Variants in RPP30 observed in about 807,000 individuals in gnomAD.
The protein encoded by RPP30 is ribonuclease P protein subunit p30.
Under a neutral mutation model 38.6 loss-of-function variants are expected in RPP30, and 36 were observed. The observed-to-expected ratio is 0.93, with a 90% CI of 0.71 to 1.23. RPP30 has a LOEUF of 1.23. Among genes scored for constraint, RPP30 ranks in the 50% most tolerant of loss-of-function variants. The pLI, the probability that RPP30 is intolerant of heterozygous loss-of-function variation, is 0.00. For synonymous variants in RPP30, 126 were observed against 112.7 expected (o/e 1.12, Z -0.75); for missense variants, 321 against 321.7 (o/e 1.00, Z 0.02).
At chr10:90,882,229 C>T (rs1001886366) in intron 5 of RPP30, among the ~76,000 whole-genome samples, 22 of 152,144 alleles carry the variant, frequency 1.4e-4, no homozygotes, top group African/African-American at 7.2e-5. Flanking sequence ...TGGTCTCTAA[C>T]CTGCTTTGAT....
In RPP30 at chr10:90,879,097, T is replaced by C. The variant is rs1429554236; in HGVS notation, c.305T>C (p.Val102Ala). The C allele has an allele frequency of 2.2e-5, 35 of 1,614,056 alleles. No homozygotes were observed. Among genetic ancestry groups the C allele is most frequent in the East Asian group, 6.7e-5 (3 of 44,858 alleles). The part of the protein sequence containing the change: ...ATSSRARLYD[V>A]VAVFPKTEKL... ...TCTTCAAGGGCCCGGCTCTATGATG[T>C]TGTTGCAGTTTTTCCAAAGACAGAA... Residue 102 changes from valine (V) to alanine (A), a missense_variant, in exon 5 of 11, where the codon GTT becomes GCT. Coordinates refer to ENST00000371703, the MANE Select transcript of RPP30 (RefSeq NM_006413.5).
At chr10:90,894,687 G>GT in intron 6 of RPP30, 88 bp from the exon 7 acceptor site, 2 of 915,732 alleles carry the variant, frequency 2.2e-6, no homozygotes, top group Non-Finnish European at 3.6e-6. Context: ...GTAGTAGGGA[G>GT]TGAGGAGGGA....
At chr10:90,902,318 A>T, downstream of RPP30, 1 of 390,930 alleles carries the variant, frequency 2.6e-6, no homozygotes, top group Non-Finnish European at 5.0e-6. Flanking sequence ...CTTGGGCTCA[A>T]GCCATCCTCC....
At chr10:90,882,890 G>A (rs929426160) in intron 5 of RPP30, among the ~76,000 whole-genome samples, 2 of 152,206 alleles carry the variant, frequency 1.3e-5, no homozygotes, top group African/African-American at 4.8e-5. Flanking sequence ...GACTGTTGTA[G>A]TGTCTTGAGG....
Position 90,879,135 on chromosome 10 carries a change from G to C in RPP30, c.342+1G>C. On this transcript the variant is annotated splice_donor_variant, in intron 5 of 10. Coordinates refer to ENST00000371703, the MANE Select transcript of RPP30 (RefSeq NM_006413.5). LOFTEE classifies it high-confidence loss of function. The stretch of plus-strand genomic sequence containing the variant: ...TCCAAAGACAGAAAAGCTTTTTCAT[G>C]TGAGTAACAGATAAGTAAAAGAAAG... The C allele has an allele frequency of 6.2e-7, 1 of 1,610,790 alleles. No individual in the cohort carries two copies. The highest frequency in any genetic ancestry group is 8.5e-7 in the Non-Finnish European group (1 of 1,177,030).
At chr10:90,872,266 G>C in intron 1 of RPP30, 198 bp downstream of exon 1, 1 of 593,568 alleles carries the variant, frequency 1.7e-6, no homozygotes, top group Non-Finnish European at 3.1e-6. Flanking sequence ...TTGTTATCTG[G>C]TTCAGCTACT....
intron 8 of RPP30, 103 bp from the exon 9 acceptor site, chr10:90,895,776 AT>A (rs1290140745): frequency 3.5e-6 from 3 of 847,272 alleles, no homozygotes; most frequent in African/African-American, 3.6e-5. Context: ...AATTTATGTA[AT>A]TTTTTTATTT....
exon 5 of RPP30, chr10:90,908,334 G>A (rs1847275006): frequency 6.6e-6 from 1 of 152,036 alleles, no homozygotes; most frequent in Admixed American, 6.6e-5. Flanking sequence ...TTAGGACCTG[G>A]CCTAGCACCT....
chr10:90,895,375 G>T, intron 7 of RPP30, 79 bp from the exon 8 acceptor site: 3 of 788,014 alleles, frequency 3.8e-6, no homozygotes, highest in South Asian at 1.8e-5. Context: ...GTTAAAATAT[G>T]ATTACTGGCT....
At chr10:90,881,882 A>G (rs1846932214) in intron 5 of RPP30, among the ~76,000 whole-genome samples, 14 of 152,336 alleles carry the variant, frequency 9.2e-5, no homozygotes, top group African/African-American at 3.4e-4. Context: ...ACACACAGAC[A>G]GACACATGTT....
chr10:90,880,742 A>G (rs1280527545), intron 5 of RPP30, among the ~76,000 whole-genome samples: 1 of 152,160 alleles, frequency 6.6e-6, no homozygotes, highest in East Asian at 1.9e-4. Flanking sequence ...TTTAAATGCA[A>G]TTATAGATAT....
Position 90,875,546 on chromosome 10 carries a change from C to T in RPP30, c.139-12C>T, listed in dbSNP as rs763003880. ...GATACAATCTGCAGTAACTATTTATCGTTTGTTGTAGGAAATTGAAAAACC... is the reference window on the plus strand; with the variant it reads ...GATACAATCTGCAGTAACTATTTATTGTTTGTTGTAGGAAATTGAAAAACC... On this transcript the variant is annotated splice_polypyrimidine_tract_variant and intron_variant, in intron 2 of 10. Coordinates refer to ENST00000371703, the MANE Select transcript of RPP30 (RefSeq NM_006413.5). 23 of 1,609,698 alleles carry T rather than the reference C, an allele frequency of 1.4e-5. No individual in the cohort carries two copies. The highest frequency in any genetic ancestry group is 8.8e-5 in the South Asian group (8 of 90,930).
chr10:90,895,774 T>C, intron 8 of RPP30, 106 bp from the exon 9 acceptor site: 1 of 826,090 alleles, frequency 1.2e-6, no homozygotes, highest in Non-Finnish European at 1.9e-6. Flanking sequence ...TAAATTTATG[T>C]AATTTTTTTA....
At chr10:90,873,063 T>C (rs1424704637) in intron 1 of RPP30, among the ~76,000 whole-genome samples, 1 of 152,184 alleles carries the variant, frequency 6.6e-6, no homozygotes, top group Non-Finnish European at 1.5e-5. Flanking sequence ...TCAATGAGGC[T>C]TTTCCTGACG....
rs1386063756 is a variant in RPP30 at position 90,900,674 on chromosome 10, G to A, written c.802G>A (p.Gly268Ser). 8.1e-6 allele frequency: 13 copies of A among 1,612,830 alleles called. No individual in the cohort carries two copies. Among genetic ancestry groups the A allele is most frequent in the East Asian group, 2.2e-5 (1 of 44,874 alleles). The change falls in exon 11 of 11, where the codon GGC becomes AGC. Residue 268 changes from glycine (G) to serine (S), a missense_variant. Coordinates refer to ENST00000371703, the MANE Select transcript of RPP30 (RefSeq NM_006413.5). ...AGCTTCCAAGAAAGCCAAGTGTGAG[G>A]GCTGAAAAGAATGCCCCAGTCTCTG... Reference protein sequence around the residue: ...LPASKKAKCEG With the variant: ...LPASKKAKCES
At chr10:90,882,151 T>A (rs569612224) in intron 5 of RPP30, among the ~76,000 whole-genome samples, 1 of 152,252 alleles carries the variant, frequency 6.6e-6, no homozygotes, top group South Asian at 2.1e-4. Flanking sequence ...TCTGGACCAA[T>A]TAATTATTCC....
At chr10:90,895,295 AG>A (rs1847127181) in intron 7 of RPP30, 158 bp from the exon 8 acceptor site, 1 of 514,542 alleles carries the variant, frequency 1.9e-6, no homozygotes, top group African/African-American at 2.0e-5. Context: ...TTTGACATGA[AG>A]TCTTTTCATT....
intron 1 of RPP30, among the ~76,000 whole-genome samples, chr10:90,873,585 A>T (rs1003697982): frequency 3.3e-5 from 5 of 152,230 alleles, no homozygotes; most frequent in Non-Finnish European, 7.3e-5. Flanking sequence ...AAGCTGCCAG[A>T]TGAGGAGTAG....
intron 1 of RPP30, among the ~76,000 whole-genome samples, chr10:90,874,286 C>G (rs1184929696): frequency 6.6e-6 from 1 of 152,106 alleles, no homozygotes; most frequent in African/African-American, 2.4e-5. Context: ...CAAGGAGCTC[C>G]CAGTCTGTCG....
Sources: gnomAD v4.1 joint callset for allele counts (sites outside exome capture counted in the v4.1 genomes callset) on GRCh38, gnomAD v4.1.1 for gene constraint, MANE v1.5 for transcripts, NCBI Gene and HGNC (gene_info 2026-07-23, HGNC 2026-07-21) for gene names.